Variants in URI1 observed in about 807,000 individuals in gnomAD.
The protein encoded by URI1 is unconventional prefoldin RPB5 interactor 1.
A neutral mutation model predicts 60.2 loss-of-function variants in URI1; 39 were observed. That is an observed-to-expected ratio of 0.65 (90% CI 0.50 to 0.85). URI1 has a LOEUF of 0.85. URI1 is among the 40% of genes least tolerant of loss of function. The pLI, the probability that URI1 is intolerant of heterozygous loss-of-function variation, is 0.00. For missense variants in URI1, 691 were observed against 665.9 expected (o/e 1.04, Z -0.42); for synonymous variants, 251 against 236.8 (o/e 1.06, Z -0.55).
chr19:29,992,350 G>A (rs2055757466), intron 4 of URI1, among the ~76,000 whole-genome samples: 1 of 152,222 alleles, frequency 6.6e-6, no homozygotes, highest in African/African-American at 2.4e-5. Context: ...GTTTACAGGC[G>A]TGAGCCACTG....
intron 1 of URI1, among the ~76,000 whole-genome samples, chr19:29,944,816 C>T (rs2145231076): frequency 6.6e-6 from 1 of 152,304 alleles, no homozygotes; most frequent in Non-Finnish European, 1.5e-5. Context: ...GGACAGGAGA[C>T]CCACAAGGCC....
rs553991320 is a variant in URI1, at chr19:29,926,646, C to T, written c.63+2892C>T. Reference sequence around the variant, plus strand: ...CAGGATTGCTCACTTTGTGAAAATTCGCTAAGGATTTGTGCACTTTTCTGC... The same window carrying T: ...CAGGATTGCTCACTTTGTGAAAATTTGCTAAGGATTTGTGCACTTTTCTGC... On this transcript the variant is annotated intron_variant, in intron 1 of 10. Coordinates refer to the URI1 transcript ENST00000360605. 8.6e-4 allele frequency among the ~76,000 whole-genome samples: 131 copies of T among 152,298 alleles called. 1 individual carries two copies. Among genetic ancestry groups the T allele is most frequent in the South Asian group, 3.5e-3 (17 of 4,820 alleles).
At chr19:29,951,874 C>T (rs931677687) in intron 1 of URI1, among the ~76,000 whole-genome samples, 2 of 152,066 alleles carry the variant, frequency 1.3e-5, no homozygotes, top group African/African-American at 4.8e-5. Flanking sequence ...ATTATTTGAT[C>T]GTTACCTTGC....
chr19:29,971,088 C>A, intron 1 of URI1, 105 bp from the exon 2 acceptor site: 1 of 1,038,504 alleles, frequency 9.6e-7, no homozygotes, highest in African/African-American at 1.6e-5. Flanking sequence ...TACTGAGATG[C>A]TATTAAATCT....
chr19:29,976,522 G>T (rs1051590074), intron 2 of URI1, among the ~76,000 whole-genome samples: 8 of 152,312 alleles, frequency 5.3e-5, no homozygotes, highest in African/African-American at 1.9e-4. Context: ...GTCAAAGGAA[G>T]GGCCAGCGCA....
chr19:30,014,376 T>C (rs1166627905), intron 10 of URI1, among the ~76,000 whole-genome samples: 2 of 152,190 alleles, frequency 1.3e-5, no homozygotes, highest in Admixed American at 1.3e-4. Flanking sequence ...CAATATGCAG[T>C]AAAATATTTA....
intron 10 of URI1, among the ~76,000 whole-genome samples, chr19:30,014,679 T>C (rs1013381837): frequency 6.6e-6 from 1 of 152,094 alleles, no homozygotes; most frequent in African/African-American, 2.4e-5. Flanking sequence ...GCATGTATAC[T>C]GTAAAAATTA....
chr19:30,012,719 A>G (rs1290969846), intron 10 of URI1, 188 bp downstream of exon 10: 13 of 681,270 alleles, frequency 1.9e-5, no homozygotes, highest in Non-Finnish European at 2.2e-5. Context: ...TTTTTTGATA[A>G]ACACATTACT....
At chr19:29,996,095 C>T (rs1449861335) in intron 4 of URI1, among the ~76,000 whole-genome samples, 1 of 151,852 alleles carries the variant, frequency 6.6e-6, no homozygotes, top group Non-Finnish European at 1.5e-5. Flanking sequence ...TTGGGGAACC[C>T]TTGAGACTCC....
chr19:29,938,824 C>T (rs2054995971), upstream of URI1, among the ~76,000 whole-genome samples: 1 of 150,388 alleles, frequency 6.6e-6, no homozygotes, highest in African/African-American at 2.5e-5. Context: ...CTACAGGTGA[C>T]TGCCACCACA....
intron 2 of URI1, among the ~76,000 whole-genome samples, chr19:29,981,236 C>CACCT (rs985150860): frequency 9.3e-4 from 141 of 152,162 alleles, no homozygotes; most frequent in African/African-American, 3.1e-3. Context: ...GAATCTTGAT[C>CACCT]ACCTATCTGT....
At chr19:29,955,644 T>TA (rs1475708608) in intron 1 of URI1, among the ~76,000 whole-genome samples, 5 of 141,874 alleles carry the variant, frequency 3.5e-5, no homozygotes, top group African/African-American at 7.7e-5. Context: ...TTTTCCCAGT[T>TA]ACCATTTTTT....
intron 4 of URI1, among the ~76,000 whole-genome samples, chr19:30,000,465 T>TA (rs2055864473): frequency 6.6e-6 from 1 of 151,982 alleles, no homozygotes; most frequent in East Asian, 1.9e-4. Flanking sequence ...CGGAGGTACT[T>TA]CTTTGAATTT....
intron 2 of URI1, among the ~76,000 whole-genome samples, chr19:29,971,850 T>G (rs1952345275): frequency 6.6e-6 from 1 of 152,044 alleles, no homozygotes; most frequent in East Asian, 1.9e-4. Flanking sequence ...GAAGTATAGC[T>G]GTTGATCTTA....
intron 1 of URI1, among the ~76,000 whole-genome samples, chr19:29,946,287 GGTTT>G (rs2055102210): frequency 6.6e-6 from 1 of 152,100 alleles, no homozygotes; most frequent in Non-Finnish European, 1.5e-5. Flanking sequence ...TGTTCAGGGA[GGTTT>G]CCTTGTACTA....
intron 1 of URI1, among the ~76,000 whole-genome samples, chr19:29,949,705 G>A (rs2055154347): frequency 6.6e-6 from 1 of 152,228 alleles, no homozygotes; most frequent in South Asian, 2.1e-4. Flanking sequence ...GTTAGGAGCT[G>A]GAGACCAGCC....
At chr19:30,008,088 G>T (rs1178892784) in intron 7 of URI1, among the ~76,000 whole-genome samples, 2 of 152,016 alleles carry the variant, frequency 1.3e-5, no homozygotes, top group Non-Finnish European at 2.9e-5. Flanking sequence ...GTTTATTCTT[G>T]CTTTCCTTTT....
chr19:29,956,761 A>G (rs186589675), intron 1 of URI1: 12 of 1,591,542 alleles, frequency 7.5e-6, no homozygotes, highest in East Asian at 4.5e-5. Flanking sequence ...TGTTCTGTAC[A>G]TGACTACAAA....
At chr19:30,003,805 T>G (rs1455854231) in intron 4 of URI1, among the ~76,000 whole-genome samples, 2 of 152,078 alleles carry the variant, frequency 1.3e-5, no homozygotes, top group African/African-American at 4.8e-5. Context: ...CCTGCCATTT[T>G]TAATATTTTC....
Sources: gnomAD v4.1 joint callset for allele counts (sites outside exome capture counted in the v4.1 genomes callset) on GRCh38, gnomAD v4.1.1 for gene constraint, MANE v1.5 for transcripts, NCBI Gene and HGNC (gene_info 2026-07-23, HGNC 2026-07-21) for gene names.